CCNH: variants seen among roughly 807,000 people sequenced by gnomAD.
CCNH encodes the protein cyclin-H.
CCNH carries 31 observed loss-of-function variants against 41.9 expected under a neutral mutation model. That is an observed-to-expected ratio of 0.74 (90% CI 0.56 to 1.00). The LOEUF (loss-of-function observed/expected upper bound fraction) is 1.00, where lower values mean the gene tolerates loss of function less well. Ranked by LOEUF, CCNH falls within the 50% of genes least tolerant of loss-of-function variation. The pLI is 0.00. For synonymous variants in CCNH, 138 were observed against 136.1 expected (o/e 1.01, Z -0.10); for missense variants, 362 against 388.4 (o/e 0.93, Z 0.57).
intron 9 of CCNH, chr5:87,331,027 A>G (rs1272011729): frequency 7.5e-7 from 1 of 1,330,222 alleles, no homozygotes; most frequent in Non-Finnish European, 9.9e-7. Context: ...TTATTTTTCT[A>G]AGTAAAGATC....
At chr5:87,388,744 A>G (rs932008489), downstream of CCNH, among the ~76,000 whole-genome samples, 3 of 152,208 alleles carry the variant, frequency 2.0e-5, no homozygotes, top group Admixed American at 6.5e-5. Context: ...GCATTTTCAT[A>G]GTGCAGTTCC....
chr5:87,403,600 G>GT (rs906659833), intron 5 of CCNH, among the ~76,000 whole-genome samples: 6 of 152,080 alleles, frequency 3.9e-5, no homozygotes. Context: ...GCAGCATAGG[G>GT]AAACCCCAAC....
intron 9 of CCNH, among the ~76,000 whole-genome samples, chr5:87,368,840 A>G (rs1269237105): frequency 3.9e-5 from 6 of 152,156 alleles, no homozygotes; most frequent in Non-Finnish European, 8.8e-5. Context: ...TTGGCTCCTC[A>G]AATCTTAGCT....
intron 9 of CCNH, among the ~76,000 whole-genome samples, chr5:87,359,019 A>G (rs1219528864): frequency 1.3e-5 from 2 of 152,160 alleles, no homozygotes; most frequent in South Asian, 2.1e-4. Context: ...ACCTTCTAAC[A>G]TGTAGTACAA....
chr5:87,389,548 A>G (rs201339801), downstream of CCNH: 2,005 of 1,612,618 alleles, frequency 1.2e-3, 3 homozygotes, highest in Non-Finnish European at 1.6e-3. Flanking sequence ...GCCAGCCTTC[A>G]TTAACAATGA....
intron 2 of CCNH, 41 bp downstream of exon 2, chr5:87,411,183 C>A: frequency 6.5e-7 from 1 of 1,549,352 alleles, no homozygotes; most frequent in Non-Finnish European, 8.7e-7. Context: ...ATTTCACAAG[C>A]CAACTAAAGG....
At chr5:87,379,667 G>A, upstream of CCNH, 2 of 1,577,642 alleles carry the variant, frequency 1.3e-6, no homozygotes, top group South Asian at 2.3e-5. Context: ...ATAACTACTT[G>A]TTTTCCTCTA....
chr5:87,372,252 C>G (rs1050534035), downstream of CCNH: 18 of 1,491,664 alleles, frequency 1.2e-5, no homozygotes, highest in Non-Finnish European at 1.6e-5. Context: ...ACACTTTGCT[C>G]TTTTTATTTT....
chr5:87,367,993 A>C (rs1244582805), intron 9 of CCNH, among the ~76,000 whole-genome samples: 1 of 152,088 alleles, frequency 6.6e-6, no homozygotes, highest in African/African-American at 2.4e-5. Flanking sequence ...AATTATCCTT[A>C]GGTTTGTAGT....
At chr5:87,351,873 A>G (rs1759305703) in intron 9 of CCNH, among the ~76,000 whole-genome samples, 1 of 151,810 alleles carries the variant, frequency 6.6e-6, no homozygotes, top group South Asian at 2.1e-4. Flanking sequence ...AAACAATTAT[A>G]TTGTAACATT....
At chr5:87,412,484 G>A in intron 1 of CCNH, 194 bp downstream of exon 1, 1 of 1,419,910 alleles carries the variant, frequency 7.0e-7, no homozygotes, top group Non-Finnish European at 9.2e-7. Context: ...GCCATTCGAC[G>A]ACGGGGATGG....
At chr5:87,313,579 G>A (rs1756087118), downstream of CCNH, among the ~76,000 whole-genome samples, 1 of 152,202 alleles carries the variant, frequency 6.6e-6, no homozygotes, top group Admixed American at 6.5e-5. Context: ...TGTGCCATGT[G>A]CTAGACTAGA....
rs1326524810 is a variant in CCNH at position 87,412,926 on chromosome 5, G to A, written c.-132C>T. 2 of 1,463,874 alleles carry A rather than the reference G, an allele frequency of 1.4e-6. No individual in the cohort carries two copies. The highest frequency in any genetic ancestry group is 1.8e-6 in the Non-Finnish European group (2 of 1,106,726). 90.7% of individuals were successfully genotyped at this position (1,463,874 alleles called of 1,614,324 possible). On this transcript the variant is annotated 5_prime_UTR_variant, in exon 1 of 9. Transcript: ENST00000256897. ...GGGCGTCCGGCTAGCCGGCGCTGGC[G>A]CGCTGTCGTCACGATTACGCGGCCA... is the stretch of plus-strand genomic sequence containing the variant.
intron 9 of CCNH, among the ~76,000 whole-genome samples, chr5:87,351,748 T>G (rs902369924): frequency 6.6e-6 from 1 of 151,758 alleles, no homozygotes; most frequent in Non-Finnish European, 1.5e-5. Flanking sequence ...AAAAAACTCT[T>G]AAGTCTAGCT....
At chr5:87,387,477 A>AT (rs947987983), downstream of CCNH, among the ~76,000 whole-genome samples, 2 of 152,116 alleles carry the variant, frequency 1.3e-5, no homozygotes, top group African/African-American at 4.8e-5. Context: ...ATCAAGTTAA[A>AT]TTTTCATGAT....
rs1037204237 is a variant in CCNH, at chr5:87,331,400, G to A, written c.*91-12503C>T. The A allele has an allele frequency of 1.9e-6, 3 of 1,613,438 alleles. No homozygotes were observed. In the South Asian group the frequency reaches 3.3e-5, roughly 18 times the overall value. On this transcript the variant is annotated intron_variant and NMD_transcript_variant, in intron 9 of 9. Coordinates refer to the CCNH transcript ENST00000645953. ...GATAGCAGAAGAACGCCTCAGGCAG[G>A]CAGGGAAGTCTGGCAGTTATCTTAT...
At chr5:87,392,409 G>A (rs917963821), downstream of CCNH, 5 of 451,226 alleles carry the variant, frequency 1.1e-5, no homozygotes, top group African/African-American at 2.0e-5. Context: ...CATGTCCCAT[G>A]CTCCTTTTCC....
At chr5:87,329,073 T>C (rs1757430522) in intron 9 of CCNH, among the ~76,000 whole-genome samples, 2 of 152,184 alleles carry the variant, frequency 1.3e-5, no homozygotes, top group Non-Finnish European at 1.5e-5. Context: ...ATTTAGGAAA[T>C]AGTTACTTAT....
chr5:87,320,961 G>A (rs1295616696), intron 9 of CCNH, among the ~76,000 whole-genome samples: 5 of 152,176 alleles, frequency 3.3e-5, no homozygotes, highest in African/African-American at 4.8e-5. Context: ...ATGGTGAATA[G>A]TTTGTGCTTT....
Sources: allele counts gnomAD v4.1 joint callset (sites outside exome capture counted in the v4.1 genomes callset), GRCh38; gene constraint gnomAD v4.1.1; transcripts MANE v1.5; gene names NCBI Gene and HGNC (gene_info 2026-07-23, HGNC 2026-07-21).